The following MAP4K4 variants were observed in gnomAD, a reference collection of about 807,000 sequenced individuals.
The protein encoded by MAP4K4 is mitogen-activated protein kinase kinase kinase kinase 4, also known as HPK/GCK-like kinase HGK.
In MAP4K4, 38 loss-of-function variants were observed where a neutral mutation model predicts 189.6. The ratio of observed to expected loss-of-function variants is 0.20; its 90% CI spans 0.15 to 0.26. MAP4K4 has a LOEUF of 0.26. Among genes scored for constraint, MAP4K4 ranks in the 10% least tolerant of loss-of-function variants. MAP4K4 has a pLI of 1.00. For synonymous variants in MAP4K4, 610 were observed against 624.3 expected (o/e 0.98, Z 0.34); for missense variants, 1,054 against 1,726.9 (o/e 0.61, Z 6.91).
chr2:101,767,942 G>GTGGACTTACTATAAATCAAAACTTGTTGT (rs2079381357), intron 2 of MAP4K4, among the ~76,000 whole-genome samples: 1 of 152,158 alleles, frequency 6.6e-6, no homozygotes, highest in Non-Finnish European at 1.5e-5. Flanking sequence ...TTTGGATTTG[G>GTGGACTTACTATAAATCAAAACTTGTTGT]TGGACTTACT....
At chr2:101,825,565 A>G in intron 5 of MAP4K4, 136 bp downstream of exon 5, 1 of 497,780 alleles carries the variant, frequency 2.0e-6, no homozygotes, top group Non-Finnish European at 3.6e-6. Context: ...GGTTCTGTAT[A>G]TCTAGCTAGC....
At chr2:101,802,301 C>T (rs1486811907) in intron 3 of MAP4K4, among the ~76,000 whole-genome samples, 1 of 152,174 alleles carries the variant, frequency 6.6e-6, no homozygotes, top group Non-Finnish European at 1.5e-5. Flanking sequence ...TGCTTGTTCT[C>T]CAGTCACTTC....
intron 2 of MAP4K4, among the ~76,000 whole-genome samples, chr2:101,716,104 G>A (rs951987880): frequency 3.3e-5 from 5 of 152,204 alleles, no homozygotes; most frequent in Non-Finnish European, 7.3e-5. Context: ...GATTGGGACT[G>A]CTGTTCTAAT....
chr2:101,708,288 G>A (rs2043470696), intron 2 of MAP4K4, among the ~76,000 whole-genome samples: 1 of 152,128 alleles, frequency 6.6e-6, no homozygotes, highest in African/African-American at 2.4e-5. Context: ...TTTTGCTCAG[G>A]TGTTTGTTTC....
chr2:101,766,208 T>G (rs2078559850), intron 2 of MAP4K4, among the ~76,000 whole-genome samples: 1 of 152,150 alleles, frequency 6.6e-6, no homozygotes, highest in Admixed American at 6.5e-5. Context: ...AATTTGTAGA[T>G]CTTATGAATT....
At chr2:101,787,325 C>T (rs189126331) in intron 2 of MAP4K4, among the ~76,000 whole-genome samples, 19 of 152,312 alleles carry the variant, frequency 1.2e-4, no homozygotes, top group Non-Finnish European at 2.1e-4. Flanking sequence ...GATGTCTACC[C>T]CCAAACATCA....
At chr2:101,712,788 G>T (rs567624594) in intron 2 of MAP4K4, among the ~76,000 whole-genome samples, 1 of 151,884 alleles carries the variant, frequency 6.6e-6, no homozygotes, top group Non-Finnish European at 1.5e-5. Context: ...GAGCCACTGC[G>T]CCAGGCCGAG....
intron 26 of MAP4K4, among the ~76,000 whole-genome samples, chr2:101,876,172 G>T (rs536309377): frequency 2.0e-5 from 3 of 152,176 alleles, no homozygotes; most frequent in Non-Finnish European, 4.4e-5. Context: ...TTTCAGTAGA[G>T]ATCTGCAGTG....
chr2:101,726,155 C>T (rs1054465931), intron 2 of MAP4K4, among the ~76,000 whole-genome samples: 9 of 152,212 alleles, frequency 5.9e-5, no homozygotes, highest in African/African-American at 2.2e-4. Flanking sequence ...ATAAACCAAT[C>T]AAATTGATGT....
At chr2:101,777,115 C>T (rs1401158646) in intron 2 of MAP4K4, among the ~76,000 whole-genome samples, 1 of 152,080 alleles carries the variant, frequency 6.6e-6, no homozygotes, top group Non-Finnish European at 1.5e-5. Flanking sequence ...GTGTGAGTTC[C>T]GCTTGAAAAG....
intron 19 of MAP4K4, 32 bp from the exon 20 acceptor site, chr2:101,867,180 T>G: frequency 2.9e-6 from 4 of 1,387,054 alleles, no homozygotes; most frequent in Non-Finnish European, 4.0e-6. Flanking sequence ...TTGATATGTG[T>G]CTGTCCATCT....
chr2:101,858,013 C>G (rs62156946), intron 13 of MAP4K4, among the ~76,000 whole-genome samples: 22,118 of 152,186 alleles, frequency 0.15, 1,722 homozygotes, highest in South Asian at 0.2. Flanking sequence ...AAAAAGGAAG[C>G]CTCTTTGGCT....
chr2:101,740,843 A>G (rs977574584), intron 2 of MAP4K4, among the ~76,000 whole-genome samples: 2 of 152,176 alleles, frequency 1.3e-5, no homozygotes, highest in South Asian at 4.1e-4. Flanking sequence ...TGGAAGTGCA[A>G]AATTCTCTCC....
rs574487221 is a variant in MAP4K4 at position 101,719,602 on chromosome 2, T to G, written c.123+21064T>G. ...AATCAGGGAGAAACTGGGGAAAGAC[T>G]TTTAGGCAAGCTTTTTGGTTCTTGA... On this transcript the variant is annotated intron_variant, in intron 2 of 32. Coordinates refer to ENST00000324219, the Ensembl canonical transcript of MAP4K4. 2.0e-5 allele frequency among the ~76,000 whole-genome samples: 3 copies of G among 152,312 alleles called. No homozygotes were observed. In the South Asian group the frequency reaches 6.2e-4, roughly 32 times the overall value.
At position 101,797,329 on chromosome 2, in the gene MAP4K4, C is replaced by T. The variant is rs900205069; in HGVS notation, c.180+6553C>T. 3.1e-6 allele frequency: 4 copies of T among 1,290,746 alleles called. No homozygotes were observed. The African/African-American group carries it at 4.6e-5, about 15-fold the overall frequency. The allele number at this position is 1,290,746 out of a possible 1,614,324, so 80.0% of individuals were successfully genotyped here. A position where few individuals can be genotyped will look rare whatever the true frequency, so the allele number is the denominator to read the frequency against. On this transcript the variant is annotated intron_variant, in intron 3 of 32. Coordinates refer to ENST00000324219, the Ensembl canonical transcript of MAP4K4. Reference sequence around the variant, plus strand: ...TTAGGGTGTTGGTGGCACTTTCTCCCTGTGCTTTGCATGACTCTGGCAGAC... The same window carrying T: ...TTAGGGTGTTGGTGGCACTTTCTCCTTGTGCTTTGCATGACTCTGGCAGAC...
At chr2:101,868,148 C>A in intron 21 of MAP4K4, 111 bp downstream of exon 21, 2 of 1,206,918 alleles carry the variant, frequency 1.7e-6, no homozygotes, top group South Asian at 1.3e-5. Flanking sequence ...ACTTCTTGTT[C>A]TTTTCTAGAA....
At chr2:101,819,473 T>G (rs1327716372) in intron 3 of MAP4K4, among the ~76,000 whole-genome samples, 1 of 152,230 alleles carries the variant, frequency 6.6e-6, no homozygotes, top group Non-Finnish European at 1.5e-5. Flanking sequence ...TGACAATTAG[T>G]GGTGCTAACT....
At chr2:101,791,167 T>A (rs956290821) in intron 3 of MAP4K4, among the ~76,000 whole-genome samples, 2 of 152,184 alleles carry the variant, frequency 1.3e-5, no homozygotes, top group Admixed American at 1.3e-4. Context: ...TTAGGCCACA[T>A]TTGTGCCATT....
chr2:101,872,526 A>T (rs925551305), intron 24 of MAP4K4, among the ~76,000 whole-genome samples: 10 of 152,170 alleles, frequency 6.6e-5, no homozygotes, highest in Admixed American at 2.6e-4. Context: ...ATTTGATTCC[A>T]CAGAAGATTT....
Sources: gnomAD v4.1 joint callset for allele counts (sites outside exome capture counted in the v4.1 genomes callset) on GRCh38, gnomAD v4.1.1 for gene constraint, MANE v1.5 for transcripts, NCBI Gene and HGNC (gene_info 2026-07-23, HGNC 2026-07-21) for gene names.